The following RPGRIP1 variants were observed in gnomAD, a reference collection of about 807,000 sequenced individuals.
RPGRIP1 encodes X-linked retinitis pigmentosa GTPase regulator-interacting protein 1.
A neutral mutation model predicts 157.9 loss-of-function variants in RPGRIP1; 128 were observed. The ratio of observed to expected loss-of-function variants is 0.81; its 90% confidence interval spans 0.70 to 0.94. The LOEUF is 0.94. Among genes scored for constraint, RPGRIP1 ranks in the 40% least tolerant of loss-of-function variants. The probability of loss-of-function intolerance (pLI) is 0.00; values close to 1 mark genes in which losing one functional copy is unlikely to be tolerated. For missense variants in RPGRIP1, 1,486 were observed against 1,545.8 expected (o/e 0.96, Z 0.65); for synonymous variants, 554 against 571.6 (o/e 0.97, Z 0.44).
chr14:21,316,280 T>C (rs1881803693), intron 10 of RPGRIP1, among the ~76,000 whole-genome samples: 1 of 151,642 alleles, frequency 6.6e-6, no homozygotes, highest in South Asian at 2.1e-4. Flanking sequence ...CCCAGCCAAT[T>C]TTTGTATTTT....
chr14:21,321,767 C>G, intron 13 of RPGRIP1, 87 bp from the exon 14 acceptor site: 1 of 1,324,440 alleles, frequency 7.6e-7, no homozygotes. Flanking sequence ...GGATAGCAGT[C>G]TTCTTGACCT....
At chr14:21,347,831 T>C (rs1216645227) in intron 23 of RPGRIP1, among the ~76,000 whole-genome samples, 1 of 152,158 alleles carries the variant, frequency 6.6e-6, no homozygotes, top group Non-Finnish European at 1.5e-5. Context: ...TGGGCTCAAG[T>C]GATCTCACCT....
At chr14:21,282,531 G>A (rs138033082) in intron 1 of RPGRIP1, among the ~76,000 whole-genome samples, 37 of 143,884 alleles carry the variant, frequency 2.6e-4, no homozygotes, top group South Asian at 2.1e-3. Flanking sequence ...CCACCACGCC[G>A]GGTGGAAGTT....
At chr14:21,340,356 G>A (rs904817949) in intron 21 of RPGRIP1, among the ~76,000 whole-genome samples, 28 of 152,116 alleles carry the variant, frequency 1.8e-4, no homozygotes, top group African/African-American at 6.5e-4. Context: ...CTAGATACTC[G>A]GTAGAGACTT....
In RPGRIP1 at chr14:21,324,844, C is replaced by T; in HGVS notation, c.1989C>T (p.Thr663=). The part of the protein sequence containing the change: ...FCTYSFYDFE[T]HCTPLSVGPQ... ...CCTATTCCTTCTATGACTTTGAAAC[C>T]CACTGTACCCCATTATCTGTGGGGC... is the stretch of plus-strand genomic sequence containing the variant. Residue 663 remains threonine, a synonymous_variant, in exon 15 of 25, where the codon ACC becomes ACT. Transcript: ENST00000400017. 5 of 1,613,984 alleles carry T rather than the reference C, an allele frequency of 3.1e-6. No individual in the cohort carries two copies. Among genetic ancestry groups the T allele is most frequent in the Non-Finnish European group, 4.2e-6 (5 of 1,179,860 alleles).
intron 21 of RPGRIP1, among the ~76,000 whole-genome samples, chr14:21,339,338 C>T (rs769228444): frequency 2.6e-5 from 4 of 151,644 alleles, no homozygotes; most frequent in Non-Finnish European, 5.9e-5. Context: ...CCTGGCTACT[C>T]GAAAGGCGGA....
At position 21,341,794 on chromosome 14, in the gene RPGRIP1, G is replaced by A. The variant is rs183201057; in HGVS notation, c.3340-1242G>A. On this transcript the variant is annotated intron_variant, in intron 21 of 24. Transcript: ENST00000400017. ...TTCCTGGCCAGGCGCGGCGGCTCAC[G>A]ACTGTAATCCCAGCACTTTGGGAGG... is the stretch of plus-strand genomic sequence containing the variant. Among the ~76,000 whole-genome samples the A allele has an allele frequency of 1.9e-3, 283 of 152,206 alleles. 11 individuals carry two copies. The East Asian group carries it at 0.048, about 26-fold the overall frequency.
At chr14:21,281,702 A>T (rs1455359601) in intron 1 of RPGRIP1, among the ~76,000 whole-genome samples, 10 of 101,124 alleles carry the variant, frequency 9.9e-5, no homozygotes, top group African/African-American at 3.9e-4. Flanking sequence ...AAAAAAAAAA[A>T]TAAATAATAA....
intron 14 of RPGRIP1, among the ~76,000 whole-genome samples, chr14:21,322,539 G>C (rs1566684947): frequency 6.6e-6 from 1 of 151,956 alleles, no homozygotes; most frequent in African/African-American, 2.4e-5. Flanking sequence ...GTTTCAAGTG[G>C]GCCCAGCAAT....
intron 11 of RPGRIP1, 40 bp from the exon 12 acceptor site, chr14:21,319,977 T>C: frequency 6.4e-7 from 1 of 1,568,478 alleles, no homozygotes; most frequent in Admixed American, 1.9e-5. Context: ...TGGTGATAAA[T>C]AACTACAGAA....
chr14:21,325,307 C>T lies in RPGRIP1; in HGVS notation c.2291C>T (p.Ala764Val), dbSNP rs758652031. 1.6e-5 allele frequency: 25 copies of T among 1,611,400 alleles called. No individual in the cohort carries two copies. The highest frequency in any genetic ancestry group is 1.6e-4 in the Middle Eastern group (1 of 6,082). The change falls in exon 16 of 25, where the codon GCG becomes GTG. Residue 764 changes from alanine to valine, a missense_variant. Physicochemically the swap from Ala to Val is moderately conservative, Grantham distance 64. Transcript: ENST00000400017. ...LRFPIKPSLQ[A>V]CNKRKKAQVY... ...TTCCCCATAAAACCCAGCCTACAGG[C>T]GTGCAATAAACGAAAGAAAGCCCAG... is the stretch of plus-strand genomic sequence containing the variant.
chr14:21,297,362 T>C (rs746996079), intron 3 of RPGRIP1, among the ~76,000 whole-genome samples: 2 of 152,324 alleles, frequency 1.3e-5, no homozygotes, highest in Non-Finnish European at 2.9e-5. Context: ...CCCAAAGTGC[T>C]GGGATTACAG....
chr14:21,334,589 A>G lies in RPGRIP1; in HGVS notation c.3239-16A>G, dbSNP rs776318553. The G allele has an allele frequency of 8.9e-6, 14 of 1,576,478 alleles. No individual in the cohort carries two copies. In the African/African-American group the frequency reaches 9.5e-5, roughly 11 times the overall value. The stretch of plus-strand genomic sequence containing the variant: ...GCTTTGAAACAGTTCTATAACTGCA[A>G]CCTCTTCTCTAGCAGACAAAGAATC... On this transcript the variant is annotated splice_polypyrimidine_tract_variant and intron_variant, in intron 20 of 24. Transcript: ENST00000400017.
rs1411987514 is a variant in RPGRIP1 at position 21,321,856 on chromosome 14, G to A, written c.1614G>A (p.Glu538=). ...LQRKINVCYQ[E]ELEAMMTKAD... ...GTTCAGACATTATTTTGTTTCAGGA[G>A]GAACTGGAGGCAATGATGACAAAAG... The change falls in exon 14 of 25, where the codon GAG becomes GAA. Residue 538 remains glutamate, a splice_region_variant and synonymous_variant. Transcript: ENST00000400017. The A allele has an allele frequency of 5.0e-6, 8 of 1,609,608 alleles. No individual in the cohort carries two copies. The African/African-American group carries it at 1.1e-4, about 22-fold the overall frequency.
At chr14:21,318,156 G>A (rs912939429) in intron 11 of RPGRIP1, 12 of 516,296 alleles carry the variant, frequency 2.3e-5, no homozygotes, top group Admixed American at 4.5e-5. Context: ...GCTCAGGCTC[G>A]AGTGCAATGG....
At chr14:21,282,839 T>C (rs1880181045) in intron 1 of RPGRIP1, among the ~76,000 whole-genome samples, 1 of 151,988 alleles carries the variant, frequency 6.6e-6, no homozygotes, top group African/African-American at 2.4e-5. Flanking sequence ...CTTGATCTCC[T>C]GACCTTGTGA....
At chr14:21,338,159 G>T (rs1364046279) in intron 21 of RPGRIP1, among the ~76,000 whole-genome samples, 1 of 151,954 alleles carries the variant, frequency 6.6e-6, no homozygotes, top group Admixed American at 6.6e-5. Flanking sequence ...CTCGTGATCT[G>T]CCCGCCTCGG....
intron 6 of RPGRIP1, among the ~76,000 whole-genome samples, chr14:21,305,553 G>A (rs931720074): frequency 3.3e-5 from 5 of 152,094 alleles, no homozygotes; most frequent in African/African-American, 9.7e-5. Context: ...TTTTCAACCT[G>A]GAGATATTTT....
At chr14:21,314,730 A>AAG (rs1290392234) in intron 10 of RPGRIP1, among the ~76,000 whole-genome samples, 1 of 150,330 alleles carries the variant, frequency 6.7e-6, no homozygotes, top group African/African-American at 2.5e-5. Context: ...AAAAAAAAAA[A>AAG]TAGCCGGGCA....
Sources: allele counts gnomAD v4.1 joint callset (sites outside exome capture counted in the v4.1 genomes callset), GRCh38; gene constraint gnomAD v4.1.1; transcripts MANE v1.5; gene names NCBI Gene and HGNC (gene_info 2026-07-23, HGNC 2026-07-21).